Variants in BOLL observed in about 807,000 individuals in gnomAD.
BOLL encodes boule RNA binding protein.
BOLL carries 23 observed loss-of-function variants against 44.4 expected under a neutral mutation model. That is an observed-to-expected ratio of 0.52 (90% CI 0.37 to 0.73). The LOEUF (loss-of-function observed/expected upper bound fraction) is 0.73, where lower values mean the gene tolerates loss of function less well. BOLL is among the 30% of genes least tolerant of loss of function. The probability of loss-of-function intolerance (pLI) is 0.00; values close to 1 mark genes in which losing one functional copy is unlikely to be tolerated. For synonymous variants in BOLL, 97 were observed against 110.8 expected (o/e 0.88, Z 0.78); for missense variants, 287 against 338.3 (o/e 0.85, Z 1.19).
At chr2:197,735,552 G>T (rs1028666675) in intron 10 of BOLL, among the ~76,000 whole-genome samples, 4 of 152,020 alleles carry the variant, frequency 2.6e-5, no homozygotes, top group African/African-American at 9.7e-5. Flanking sequence ...TTTAGAATAA[G>T]GTGTATAGTT....
intron 7 of BOLL, among the ~76,000 whole-genome samples, chr2:197,762,991 A>C (rs1438265936): frequency 1.3e-5 from 2 of 152,234 alleles, no homozygotes; most frequent in African/African-American, 4.8e-5. Context: ...AGTCTAAGAA[A>C]AAAAAGAAAG....
chr2:197,731,850 C>A (rs1399151139), intron 10 of BOLL, among the ~76,000 whole-genome samples: 7 of 150,928 alleles, frequency 4.6e-5, no homozygotes, highest in African/African-American at 1.7e-4. Flanking sequence ...TAAATGCCCA[C>A]AAGAGAAAGC....
intron 10 of BOLL, among the ~76,000 whole-genome samples, chr2:197,742,666 G>C (rs1457227617): frequency 1.3e-5 from 2 of 152,034 alleles, no homozygotes; most frequent in East Asian, 3.9e-4. Context: ...GACTGTTGTG[G>C]GGTGGGGGGA....
At chr2:197,784,321 A>G (rs970863906) in intron 1 of BOLL, among the ~76,000 whole-genome samples, 1 of 148,048 alleles carries the variant, frequency 6.8e-6, no homozygotes, top group Non-Finnish European at 1.5e-5. Flanking sequence ...TCATTTCTTC[A>G]GGAGAGACCT....
At position 197,743,605 on chromosome 2, in the gene BOLL, G is replaced by A. The variant is rs534734222; in HGVS notation, c.730-446C>T. On this transcript the variant is annotated intron_variant, in intron 9 of 10. Coordinates refer to ENST00000392296, the MANE Select transcript of BOLL (RefSeq NM_033030.6). ...GTAGGAATTCTAGTAGACGTATACT[G>A]TTGATAGATGTGGCTCTAGACCAGG... Among the ~76,000 whole-genome samples the A allele has an allele frequency of 5.3e-5, 8 of 152,300 alleles. No homozygotes were observed. The South Asian group carries it at 1.7e-3, about 32-fold the overall frequency.
intron 10 of BOLL, among the ~76,000 whole-genome samples, chr2:197,735,567 CG>C (rs2106316598): frequency 6.6e-6 from 1 of 152,190 alleles, no homozygotes; most frequent in East Asian, 1.9e-4. Context: ...ATAGTTTAGA[CG>C]ACTGTACTGA....
chr2:197,766,942 T>C (rs991538135), intron 6 of BOLL, among the ~76,000 whole-genome samples: 4 of 152,034 alleles, frequency 2.6e-5, no homozygotes, highest in Non-Finnish European at 4.4e-5. Flanking sequence ...TGACGCTGCC[T>C]GTTTCCATTG....
intron 10 of BOLL, among the ~76,000 whole-genome samples, chr2:197,729,460 A>T (rs1291878107): frequency 1.3e-5 from 2 of 152,162 alleles, no homozygotes; most frequent in Non-Finnish European, 2.9e-5. Context: ...GGTGGAGCCC[A>T]GCACAGCTCA....
chr2:197,738,692 G>T (rs1259486726), intron 10 of BOLL, among the ~76,000 whole-genome samples: 1 of 152,076 alleles, frequency 6.6e-6, no homozygotes, highest in Admixed American at 6.6e-5. Flanking sequence ...TTCATGAGTT[G>T]TAATCATTAG....
chr2:197,752,624 C>T (rs749790486), intron 9 of BOLL, among the ~76,000 whole-genome samples: 4 of 152,128 alleles, frequency 2.6e-5, no homozygotes, highest in Non-Finnish European at 5.9e-5. Context: ...TCAAGGAGAA[C>T]TACAAACCAC....
intron 10 of BOLL, among the ~76,000 whole-genome samples, chr2:197,735,325 A>C (rs981837093): frequency 3.3e-5 from 5 of 152,068 alleles, no homozygotes; most frequent in Admixed American, 3.3e-4. Context: ...GTTTTCTTCT[A>C]TTAATTTATT....
chr2:197,731,325 T>G (rs1289323225), intron 10 of BOLL, among the ~76,000 whole-genome samples: 2 of 146,718 alleles, frequency 1.4e-5, no homozygotes, highest in Non-Finnish European at 3.0e-5. Context: ...AAGTCCTGAG[T>G]GACCTACAAA....
At chr2:197,742,007 A>T (rs1574813853) in intron 10 of BOLL, among the ~76,000 whole-genome samples, 1 of 152,232 alleles carries the variant, frequency 6.6e-6, no homozygotes, top group Non-Finnish European at 1.5e-5. Flanking sequence ...GGTGAAGGAT[A>T]TTAACAGACA....
At chr2:197,779,169 A>C in intron 2 of BOLL, 103 bp from the exon 3 acceptor site, 1 of 780,468 alleles carries the variant, frequency 1.3e-6, no homozygotes, top group Non-Finnish European at 2.0e-6. Flanking sequence ...GATAAGATGC[A>C]TGAAAAATGC....
Position 197,728,386 on chromosome 2 carries a change from C to A in BOLL, c.*169G>T, listed in dbSNP as rs1686946254. On this transcript the variant is annotated 3_prime_UTR_variant, in exon 11 of 11. Coordinates refer to ENST00000392296, the MANE Select transcript of BOLL (RefSeq NM_033030.6). ...GTAGAACAGCTGAAAAAGCAAATTT[C>A]ATCAAATTTAGACAGCTTATAGTGG... 2 of 1,120,072 alleles carry A rather than the reference C, an allele frequency of 1.8e-6. No individual in the cohort carries two copies. The highest frequency in any genetic ancestry group is 1.6e-5 in the African/African-American group (1 of 62,946). The allele number at this position is 1,120,072 out of a possible 1,614,324, so 69.4% of individuals were successfully genotyped here.
In BOLL at chr2:197,771,976, C is replaced by G. The variant is rs201051448; in HGVS notation, c.359G>C (p.Ser120Thr). ...CATTGTTCCAGCTGCTGGCATTATA[C>G]TAGAACCTAAAGCAAAGATTAAATA... ...RKQQVGIPRS[S>T]IMPAAGTMYL... The change falls in exon 6 of 11, where the codon AGT (serine) becomes ACT (threonine). Residue 120 changes from serine to threonine, a missense_variant. By Grantham distance (58) the Ser-to-Thr change is moderately conservative. Coordinates refer to ENST00000392296, the MANE Select transcript of BOLL (RefSeq NM_033030.6). 8.9e-6 allele frequency: 14 copies of G among 1,569,818 alleles called. No homozygotes were observed. The East Asian group carries it at 2.3e-4, about 25-fold the overall frequency.
At chr2:197,729,945 A>G (rs555879912) in intron 10 of BOLL, among the ~76,000 whole-genome samples, 1,634 of 151,454 alleles carry the variant, frequency 0.011, 32 homozygotes, top group African/African-American at 0.036. Context: ...CACCAGCAAC[A>G]GAACAAAGCT....
chr2:197,746,413 T>C (rs1235405999), intron 9 of BOLL, among the ~76,000 whole-genome samples: 1 of 152,092 alleles, frequency 6.6e-6, no homozygotes, highest in South Asian at 2.1e-4. Context: ...CATCAATCAG[T>C]GAATGGATAA....
At chr2:197,753,339 A>G (rs1014989010) in intron 9 of BOLL, among the ~76,000 whole-genome samples, 2 of 152,238 alleles carry the variant, frequency 1.3e-5, no homozygotes, top group Non-Finnish European at 2.9e-5. Context: ...AACTATCATC[A>G]GAGTGAACAG....
Sources: allele counts gnomAD v4.1 joint callset (sites outside exome capture counted in the v4.1 genomes callset), GRCh38; gene constraint gnomAD v4.1.1; transcripts MANE v1.5; gene names NCBI Gene and HGNC (gene_info 2026-07-23, HGNC 2026-07-21).